The following SDCCAG8 variants were observed in gnomAD, a reference collection of about 807,000 sequenced individuals.
SDCCAG8 encodes serologically defined colon cancer antigen 8.
In SDCCAG8, 74 loss-of-function variants were observed where a neutral mutation model predicts 101.8. The ratio of observed to expected loss-of-function variants is 0.73; its 90% CI spans 0.60 to 0.88. The LOEUF is 0.88. Among genes scored for constraint, SDCCAG8 ranks in the 40% least tolerant of loss-of-function variants. SDCCAG8 has a pLI of 0.00. For synonymous variants in SDCCAG8, 281 were observed against 292.9 expected, an observed-to-expected ratio of 0.96 and a Z score of 0.41; for missense variants, 787 against 822.6, an observed-to-expected ratio of 0.96 and a Z score of 0.53.
chr1:243,259,833 C>G (rs2067066400), intron 1 of SDCCAG8, among the ~76,000 whole-genome samples: 1 of 152,032 alleles, frequency 6.6e-6, no homozygotes. Context: ...GAAATCCTAT[C>G]TCCAAAACAA....
intron 6 of SDCCAG8, among the ~76,000 whole-genome samples, chr1:243,294,302 G>A (rs1318272036): frequency 1.3e-5 from 2 of 152,102 alleles, no homozygotes; most frequent in South Asian, 2.1e-4. Context: ...TTTGAAGGCT[G>A]TAATACTCCT....
At chr1:243,358,742 G>A (rs1248319049) in intron 12 of SDCCAG8, among the ~76,000 whole-genome samples, 1 of 152,112 alleles carries the variant, frequency 6.6e-6, no homozygotes, top group Non-Finnish European at 1.5e-5. Flanking sequence ...AAAATGTGGG[G>A]TGTGTGTATA....
chr1:243,398,276 T>A (rs1460401041), intron 13 of SDCCAG8, among the ~76,000 whole-genome samples: 1 of 152,158 alleles, frequency 6.6e-6, no homozygotes, highest in African/African-American at 2.4e-5. Context: ...CATGCTTTTG[T>A]CAGTAAATAT....
At chr1:243,395,252 C>G (rs1029377100) in intron 13 of SDCCAG8, among the ~76,000 whole-genome samples, 2 of 152,128 alleles carry the variant, frequency 1.3e-5, no homozygotes, top group African/African-American at 4.8e-5. Flanking sequence ...ATTAAACTAG[C>G]ATCTTGCAAA....
intron 14 of SDCCAG8, among the ~76,000 whole-genome samples, chr1:243,417,343 C>G (rs1054989631): frequency 6.6e-6 from 1 of 152,166 alleles, no homozygotes; most frequent in African/African-American, 2.4e-5. Context: ...AGAACATTTC[C>G]TTTTGTCTTG....
chr1:243,416,934 C>T lies in SDCCAG8; in HGVS notation c.1745-1034C>T, dbSNP rs2080626949. On this transcript the variant is annotated intron_variant, in intron 14 of 17. Transcript: ENST00000366541. The surrounding 1 kb of genome is among the most constrained non-coding windows in gnomAD (Gnocchi z 4.3). ...GCTAAAATTGAAAAGAAATAAAGGC[C>T]TCTTAAAACTTATGCTTAGAGGTAA... is the stretch of plus-strand genomic sequence containing the variant. Among the ~76,000 whole-genome samples the T allele has an allele frequency of 6.6e-6, 1 of 152,064 alleles. No homozygotes were observed. Among genetic ancestry groups the T allele is most frequent in the African/African-American group, 2.4e-5 (1 of 41,402 alleles).
intron 13 of SDCCAG8, among the ~76,000 whole-genome samples, chr1:243,412,843 GT>G (rs35984775): frequency 7.3e-5 from 11 of 150,214 alleles, no homozygotes; most frequent in African/African-American, 2.2e-4. Context: ...TTTTAAGTAG[GT>G]TTTTTTTTTC....
At chr1:243,353,976 A>C (rs1276981313) in intron 12 of SDCCAG8, among the ~76,000 whole-genome samples, 1 of 152,240 alleles carries the variant, frequency 6.6e-6, no homozygotes, top group Admixed American at 6.5e-5. Flanking sequence ...AGAATTGACA[A>C]TTATCTTGAT....
chr1:243,448,959 A>G (rs1164145862), intron 16 of SDCCAG8, among the ~76,000 whole-genome samples: 1 of 152,276 alleles, frequency 6.6e-6, no homozygotes, highest in Non-Finnish European at 1.5e-5. Context: ...TATGTGCAAC[A>G]TTTAAAAAAT....
intron 12 of SDCCAG8, among the ~76,000 whole-genome samples, chr1:243,354,269 T>C (rs1274615502): frequency 6.6e-6 from 1 of 152,214 alleles, no homozygotes; most frequent in African/African-American, 2.4e-5. Flanking sequence ...ATTCATAAAA[T>C]CAACAGAAAT....
intron 16 of SDCCAG8, among the ~76,000 whole-genome samples, chr1:243,428,772 T>A (rs2081514235): frequency 6.6e-6 from 1 of 152,330 alleles, no homozygotes; most frequent in African/African-American, 2.4e-5. Flanking sequence ...GAAGGTGCAG[T>A]ATTAGATCGT....
intron 9 of SDCCAG8, among the ~76,000 whole-genome samples, chr1:243,325,827 T>C (rs2074107446): frequency 6.6e-6 from 1 of 152,208 alleles, no homozygotes; most frequent in Non-Finnish European, 1.5e-5. Flanking sequence ...ACCTAGTAGG[T>C]GCTCAATAAA....
chr1:243,410,511 T>G (rs958676009), intron 13 of SDCCAG8, among the ~76,000 whole-genome samples: 1 of 152,180 alleles, frequency 6.6e-6, no homozygotes, highest in Non-Finnish European at 1.5e-5. Flanking sequence ...GGGAAACACC[T>G]TTTAGCCAAA....
At chr1:243,372,666 A>G (rs770316458) in intron 12 of SDCCAG8, among the ~76,000 whole-genome samples, 1 of 151,874 alleles carries the variant, frequency 6.6e-6, no homozygotes, top group Non-Finnish European at 1.5e-5. Context: ...TGTGAAATCA[A>G]TTTTATAGAT....
chr1:243,309,294 C>A (rs1477930755), intron 8 of SDCCAG8, among the ~76,000 whole-genome samples: 1 of 152,138 alleles, frequency 6.6e-6, no homozygotes, highest in East Asian at 1.9e-4. Context: ...TCAATTTTCT[C>A]ATTTTTAAAA....
intron 2 of SDCCAG8, 36 bp from the exon 3 acceptor site, chr1:243,270,942 A>G: frequency 6.8e-7 from 1 of 1,478,940 alleles, no homozygotes; most frequent in Non-Finnish European, 9.5e-7. Flanking sequence ...ATGGATCTCA[A>G]ATAAGGTTAA....
intron 4 of SDCCAG8, among the ~76,000 whole-genome samples, chr1:243,285,578 A>G (rs927495194): frequency 6.6e-6 from 1 of 152,218 alleles, no homozygotes; most frequent in African/African-American, 2.4e-5. Flanking sequence ...ACTAGTAGTG[A>G]ATATTAGGTT....
intron 1 of SDCCAG8, chr1:243,267,830 T>C (rs530385408): frequency 1.1e-5 from 10 of 929,064 alleles, no homozygotes; most frequent in East Asian, 4.8e-5. Flanking sequence ...AGGGATACAC[T>C]TGACATGCAG....
At chr1:243,478,324 G>A (rs1240900850) in intron 16 of SDCCAG8, among the ~76,000 whole-genome samples, 1 of 152,200 alleles carries the variant, frequency 6.6e-6, no homozygotes, top group Non-Finnish European at 1.5e-5. Context: ...CTGACCTTGG[G>A]CAAGTCACTT....
Sources: gnomAD v4.1 joint callset for allele counts (sites outside exome capture counted in the v4.1 genomes callset) on GRCh38, gnomAD v4.1.1 for gene constraint, Gnocchi (gnomAD v3.1) non-coding constraint, MANE v1.5 for transcripts, NCBI Gene and HGNC (gene_info 2026-07-23, HGNC 2026-07-21) for gene names.